The following NEDD4L variants were observed in gnomAD, a reference collection of about 807,000 sequenced individuals.
NEDD4L encodes the protein E3 ubiquitin-protein ligase NEDD4-like.
In NEDD4L, 54 loss-of-function variants were observed where a neutral mutation model predicts 148.9. The ratio of observed to expected loss-of-function variants is 0.36; its 90% CI spans 0.29 to 0.45. The LOEUF (loss-of-function observed/expected upper bound fraction) is 0.45. Among genes scored for constraint, NEDD4L ranks in the 20% least tolerant of loss-of-function variants. The probability of loss-of-function intolerance (pLI) is 1.00; values close to 1 mark genes in which losing one functional copy is unlikely to be tolerated. For synonymous variants in NEDD4L, 433 were observed against 440.7 expected (o/e 0.98, Z 0.22); for missense variants, 856 against 1,233.8 (o/e 0.69, Z 4.59).
chr18:58,264,378 G>A (rs1341841177), intron 5 of NEDD4L, among the ~76,000 whole-genome samples: 1 of 151,958 alleles, frequency 6.6e-6, no homozygotes, highest in South Asian at 2.1e-4. Flanking sequence ...TGTATGCAGG[G>A]GTCATTTTTA....
intron 4 of NEDD4L, among the ~76,000 whole-genome samples, chr18:58,249,649 G>A (rs6566953): frequency 0.19 from 29,250 of 152,080 alleles, 4,247 homozygotes; most frequent in African/African-American, 0.39. Flanking sequence ...TTGTATAGCT[G>A]TGATATTAAA....
At position 58,316,299 on chromosome 18, in the gene NEDD4L, C is replaced by A. The variant is rs13339710; in HGVS notation, c.348+267C>A. 6.8e-3 allele frequency among the ~76,000 whole-genome samples: 1,041 copies of A among 152,282 alleles called. 13 individuals are homozygous for A. Among genetic ancestry groups the A allele is most frequent in the African/African-American group, 0.024 (996 of 41,558 alleles). On this transcript the variant is annotated intron_variant, in intron 6 of 30. Coordinates refer to ENST00000400345, the MANE Select transcript of NEDD4L (RefSeq NM_001144967.3). ...CTCTCTTTTCTGCACTTCAGCTGCTCCACCTTTGTGTATCACATCTTACAA... is the reference window on the plus strand; with the variant it reads ...CTCTCTTTTCTGCACTTCAGCTGCTACACCTTTGTGTATCACATCTTACAA...
At chr18:58,331,029 T>TC in intron 11 of NEDD4L, 115 bp downstream of exon 11, 1 of 1,014,784 alleles carries the variant, frequency 9.9e-7, no homozygotes, top group Non-Finnish European at 1.4e-6. Flanking sequence ...CCCAGCTAAC[T>TC]CTGACATTTT....
chr18:58,281,908 C>T (rs920066902), intron 5 of NEDD4L, among the ~76,000 whole-genome samples: 1 of 151,598 alleles, frequency 6.6e-6, no homozygotes, highest in Non-Finnish European at 1.5e-5. Context: ...ACCTGTAGTC[C>T]CAGCTACTCG....
chr18:58,161,320 C>G (rs1213149685), intron 1 of NEDD4L, among the ~76,000 whole-genome samples: 1 of 152,142 alleles, frequency 6.6e-6, no homozygotes, highest in Non-Finnish European at 1.5e-5. Context: ...CATGAGCCAC[C>G]GTACCCGGCA....
chr18:58,359,240 T>G (rs934580843), intron 19 of NEDD4L, among the ~76,000 whole-genome samples: 2 of 152,228 alleles, frequency 1.3e-5, no homozygotes, highest in African/African-American at 4.8e-5. Flanking sequence ...ATCTTTTCTC[T>G]CTCGCGATAT....
At chr18:58,251,408 G>A (rs1192904281) in intron 4 of NEDD4L, among the ~76,000 whole-genome samples, 1 of 152,112 alleles carries the variant, frequency 6.6e-6, no homozygotes, top group Non-Finnish European at 1.5e-5. Flanking sequence ...AAGCTACTCA[G>A]GAGAGTGAGG....
chr18:58,321,975 C>T (rs1318243126), intron 6 of NEDD4L, among the ~76,000 whole-genome samples: 3 of 152,182 alleles, frequency 2.0e-5, no homozygotes, highest in African/African-American at 7.2e-5. Flanking sequence ...TCTTTCAATT[C>T]TCTTAGGCTG....
At chr18:58,063,150 A>C (rs1315899461) in intron 1 of NEDD4L, among the ~76,000 whole-genome samples, 2 of 145,652 alleles carry the variant, frequency 1.4e-5, no homozygotes, top group Non-Finnish European at 3.0e-5. Context: ...AGTCCACACG[A>C]TCCTCCTACC....
chr18:58,114,903 C>T (rs935816322), intron 1 of NEDD4L, among the ~76,000 whole-genome samples: 1 of 152,252 alleles, frequency 6.6e-6, no homozygotes, highest in Non-Finnish European at 1.5e-5. Context: ...CTCCTTCTGC[C>T]TCCCTTTGCA....
intron 1 of NEDD4L, among the ~76,000 whole-genome samples, chr18:58,157,657 T>A (rs2035677785): frequency 6.6e-6 from 1 of 152,202 alleles, no homozygotes; most frequent in Non-Finnish European, 1.5e-5. Flanking sequence ...GGTATCAGGT[T>A]CCATATTTCT....
chr18:58,114,359 T>TAC (rs200118224), intron 1 of NEDD4L, among the ~76,000 whole-genome samples: 17 of 141,992 alleles, frequency 1.2e-4, no homozygotes, highest in African/African-American at 1.7e-4. Flanking sequence ...TATATATATA[T>TAC]ATACACACAC....
intron 24 of NEDD4L, among the ~76,000 whole-genome samples, chr18:58,381,780 C>T (rs1298149924): frequency 6.6e-6 from 1 of 152,164 alleles, no homozygotes; most frequent in Non-Finnish European, 1.5e-5. Flanking sequence ...GTCCACGCAC[C>T]TCTGAGAACC....
chr18:58,373,254 A>G lies in NEDD4L; in HGVS notation c.2337A>G (p.Glu779=), dbSNP rs1233706022. 6.3e-7 allele frequency: 1 copy of G among 1,576,954 alleles called. No homozygotes were observed. Among genetic ancestry groups the G allele is most frequent in the Admixed American group, 1.8e-5 (1 of 55,856 alleles). ...TGGACCTCATGTTCTGCATAGACGA[A>G]GAAAACTTTGGACAGGTACATGTGG... The part of the protein sequence containing the change: ...TELDLMFCID[E]ENFGQTYQVD... The change falls in exon 24 of 31, where the codon GAA becomes GAG. Residue 779 remains glutamate (E), a synonymous_variant. Coordinates refer to ENST00000400345, the MANE Select transcript of NEDD4L (RefSeq NM_001144967.3).
chr18:58,084,232 G>T (rs964969595), intron 1 of NEDD4L, among the ~76,000 whole-genome samples: 1 of 152,184 alleles, frequency 6.6e-6, no homozygotes, highest in Admixed American at 6.5e-5. Context: ...AAGTAGATTA[G>T]TGGTGGCATA....
At chr18:58,352,824 C>A (rs1371042795) in intron 18 of NEDD4L, among the ~76,000 whole-genome samples, 1 of 152,190 alleles carries the variant, frequency 6.6e-6, no homozygotes, top group Non-Finnish European at 1.5e-5. Flanking sequence ...TGACAGTTTT[C>A]TGGCTGGAGA....
intron 1 of NEDD4L, among the ~76,000 whole-genome samples, chr18:58,151,248 T>C (rs1246778874): frequency 1.3e-5 from 2 of 152,172 alleles, no homozygotes; most frequent in Non-Finnish European, 2.9e-5. Flanking sequence ...AGACGGACCA[T>C]GCATGGGAAG....
chr18:58,323,421 GT>G, intron 8 of NEDD4L, 87 bp downstream of exon 8: 3 of 739,592 alleles, frequency 4.1e-6, no homozygotes, highest in Non-Finnish European at 6.9e-6. Context: ...GGAAATAAAA[GT>G]TTAGAAAGCT....
chr18:58,323,744 C>T (rs982646181), intron 8 of NEDD4L, among the ~76,000 whole-genome samples: 1 of 152,018 alleles, frequency 6.6e-6, no homozygotes, highest in Non-Finnish European at 1.5e-5. Flanking sequence ...ACTCATTTGG[C>T]CACAGGTGAC....
Sources: allele counts gnomAD v4.1 joint callset (sites outside exome capture counted in the v4.1 genomes callset), GRCh38; gene constraint gnomAD v4.1.1; transcripts MANE v1.5; gene names NCBI Gene and HGNC (gene_info 2026-07-23, HGNC 2026-07-21).